Variants in KALRN observed in about 807,000 individuals in gnomAD.
The protein encoded by KALRN is kalirin.
Under a neutral mutation model 353.7 loss-of-function variants are expected in KALRN, and 70 were observed. The ratio of observed to expected loss-of-function variants is 0.20; its 90% CI spans 0.16 to 0.24. The LOEUF (loss-of-function observed/expected upper bound fraction) is 0.24, where lower values mean the gene tolerates loss of function less well. KALRN is among the 10% of genes least tolerant of loss of function. KALRN has a pLI of 1.00. For synonymous variants in KALRN, 1,391 were observed against 1,434.8 expected (o/e 0.97, Z 0.69); for missense variants, 2,791 against 3,756.7 (o/e 0.74, Z 6.72).
intron 3 of KALRN, among the ~76,000 whole-genome samples, chr3:124,236,423 A>C (rs2079773356): frequency 6.6e-6 from 1 of 152,200 alleles, no homozygotes; most frequent in Admixed American, 6.5e-5. Flanking sequence ...TTTTTAAAGC[A>C]CTTTTCCTAA....
intron 46 of KALRN, 64 bp downstream of exon 46, chr3:124,666,698 T>A: frequency 7.4e-7 from 1 of 1,358,754 alleles, no homozygotes; most frequent in Non-Finnish European, 1.0e-6. Context: ...GCTGCTTCCC[T>A]AAGACGAGGC....
intron 6 of KALRN, among the ~76,000 whole-genome samples, chr3:124,307,027 C>A (rs746846907): frequency 2.0e-5 from 3 of 151,578 alleles, no homozygotes; most frequent in Non-Finnish European, 4.4e-5. Flanking sequence ...AAGCAAGTGA[C>A]CCTTGATGGT....
At chr3:124,551,829 G>A (rs949375178) in intron 33 of KALRN, among the ~76,000 whole-genome samples, 5 of 152,208 alleles carry the variant, frequency 3.3e-5, no homozygotes, top group African/African-American at 1.2e-4. Flanking sequence ...CATCACAGCT[G>A]TCTCCCTGAC....
chr3:124,391,478 C>A (rs80127158), intron 11 of KALRN, among the ~76,000 whole-genome samples: 3 of 152,160 alleles, frequency 2.0e-5, no homozygotes, highest in Non-Finnish European at 4.4e-5. Context: ...CAGAAAAGAT[C>A]GTTCTGGCTG....
chr3:124,409,632 C>A (rs1032047419), intron 13 of KALRN, among the ~76,000 whole-genome samples: 3 of 152,116 alleles, frequency 2.0e-5, no homozygotes, highest in Admixed American at 6.5e-5. Flanking sequence ...AACAAGAGCA[C>A]AGGGTAAGCC....
chr3:124,515,887 G>T (rs897071222), intron 33 of KALRN, among the ~76,000 whole-genome samples: 2 of 152,080 alleles, frequency 1.3e-5, no homozygotes, highest in African/African-American at 4.8e-5. Context: ...GGTACCAAGT[G>T]GGCTATATAA....
chr3:124,661,746 A>G lies in KALRN; in HGVS notation c.6268-105A>G, dbSNP rs191989637. The G allele has an allele frequency of 5.3e-4, 458 of 861,674 alleles. 2 individuals carry two copies. The African/African-American group carries it at 6.4e-3, about 12-fold the overall frequency. The allele number at this position is 861,674 out of a possible 1,614,324, so 53.4% of individuals were successfully genotyped here. ...GAACCAGCATCCCTTCCTAGAATAA[A>G]GGAGCCACCAGAGATGAAGTCCCTG... On this transcript the variant is annotated intron_variant, in intron 44 of 59. Coordinates refer to ENST00000682506, the MANE Select transcript of KALRN (RefSeq NM_001388419.1).
chr3:124,183,113 C>T (rs1371158991), intron 1 of KALRN, among the ~76,000 whole-genome samples: 1 of 152,120 alleles, frequency 6.6e-6, no homozygotes, highest in Non-Finnish European at 1.5e-5. Flanking sequence ...AGAGTGGGCC[C>T]TAACCCAATC....
At chr3:124,303,556 T>A (rs2077433390) in intron 6 of KALRN, among the ~76,000 whole-genome samples, 1 of 152,232 alleles carries the variant, frequency 6.6e-6, no homozygotes, top group African/African-American at 2.4e-5. Flanking sequence ...TATGTTCTGG[T>A]TCTTCATGCG....
intron 48 of KALRN, among the ~76,000 whole-genome samples, chr3:124,673,293 G>A (rs914501600): frequency 2.0e-5 from 3 of 151,960 alleles, no homozygotes; most frequent in East Asian, 3.9e-4. Context: ...TACTGAGGCA[G>A]GAGAATCACT....
At chr3:124,520,945 C>G (rs1051195980) in intron 33 of KALRN, among the ~76,000 whole-genome samples, 7 of 152,222 alleles carry the variant, frequency 4.6e-5, no homozygotes, top group Non-Finnish European at 1.5e-5. Context: ...GATCTCTCAT[C>G]CCCAAATCCA....
At chr3:124,038,161 C>A (rs899851674) in intron 1 of KALRN, among the ~76,000 whole-genome samples, 1 of 152,118 alleles carries the variant, frequency 6.6e-6, no homozygotes, top group African/African-American at 2.4e-5. Flanking sequence ...GCAGAGGAGA[C>A]TTGATCCTAG....
At chr3:124,323,396 C>T (rs1311207144) in intron 6 of KALRN, among the ~76,000 whole-genome samples, 1 of 152,180 alleles carries the variant, frequency 6.6e-6, no homozygotes, top group African/African-American at 2.4e-5. Flanking sequence ...CTGTGAGCCC[C>T]TGTGGGCAGG....
At chr3:124,164,737 ATATTT>A (rs2070541370) in intron 1 of KALRN, 1 of 152,308 alleles carries the variant, frequency 6.6e-6, no homozygotes, top group Admixed American at 6.5e-5. Context: ...TTTTATATTT[ATATTT>A]TATTTCTTCT....
intron 34 of KALRN, among the ~76,000 whole-genome samples, chr3:124,572,004 G>T (rs1384652192): frequency 6.6e-6 from 1 of 151,844 alleles, no homozygotes; most frequent in African/African-American, 2.4e-5. Context: ...AATTTGGGGT[G>T]CATGAAATCT....
intron 1 of KALRN, among the ~76,000 whole-genome samples, chr3:124,130,776 A>G (rs1477854662): frequency 6.6e-6 from 1 of 152,264 alleles, no homozygotes; most frequent in Non-Finnish European, 1.5e-5. Flanking sequence ...TTGTATATCA[A>G]CGCCACAGAA....
intron 33 of KALRN, among the ~76,000 whole-genome samples, chr3:124,506,461 T>A (rs780637006): frequency 1.3e-5 from 2 of 152,196 alleles, no homozygotes; most frequent in Non-Finnish European, 2.9e-5. Flanking sequence ...GTTCAGATAG[T>A]CTAATTTTTT....
At chr3:124,224,820 A>G (rs796338615) in intron 1 of KALRN, among the ~76,000 whole-genome samples, 3 of 152,304 alleles carry the variant, frequency 2.0e-5, no homozygotes, top group African/African-American at 7.2e-5. Context: ...AAGGCCAACA[A>G]ATATGAAGAG....
intron 1 of KALRN, among the ~76,000 whole-genome samples, chr3:124,078,513 G>A (rs1272101236): frequency 1.3e-5 from 2 of 152,182 alleles, no homozygotes; most frequent in African/African-American, 2.4e-5. Flanking sequence ...CATAATGCAT[G>A]TGGTAAGGAT....
Sources: allele counts gnomAD v4.1 joint callset (sites outside exome capture counted in the v4.1 genomes callset), GRCh38; gene constraint gnomAD v4.1.1; transcripts MANE v1.5; gene names NCBI Gene and HGNC (gene_info 2026-07-23, HGNC 2026-07-21).